MORN5: variants seen among roughly 807,000 people sequenced by gnomAD.
MORN5 encodes the protein MORN repeat containing 5.
In MORN5, 21 loss-of-function variants were observed where a neutral mutation model predicts 22.1. That is an observed-to-expected ratio of 0.95 (90% confidence interval 0.67 to 1.37). The LOEUF (loss-of-function observed/expected upper bound fraction) is 1.37, where lower values mean the gene tolerates loss of function less well. MORN5 is among the 40% of genes most tolerant of loss of function. The pLI is 0.00. For synonymous variants in MORN5, 73 were observed against 74.0 expected (o/e 0.99, Z 0.07); for missense variants, 211 against 215.1 (o/e 0.98, Z 0.12).
In MORN5 at chr9:122,199,247, G is replaced by A. The variant is rs146577566; in HGVS notation, c.440-638G>A. ...CCCTGTGGCTGTGGACAAGTGCCTC[G>A]GCCTCTGTGAGCCTCTGTTTGTTCA... On this transcript the variant is annotated intron_variant, in intron 4 of 4. Coordinates refer to ENST00000373764, the MANE Select transcript of MORN5 (RefSeq NM_198469.4). Among the ~76,000 whole-genome samples, 479 of 152,268 alleles carry A rather than the reference G, an allele frequency of 3.1e-3. 1 individual carries two copies. The highest frequency in any genetic ancestry group is 0.011 in the African/African-American group (452 of 41,566).
chr9:122,180,264 A>T (rs1829516599), intron 4 of MORN5, among the ~76,000 whole-genome samples: 1 of 149,108 alleles, frequency 6.7e-6, no homozygotes, highest in African/African-American at 2.5e-5. Context: ...TACATGCAAC[A>T]ATCTATGACA....
chr9:122,162,954 G>A (rs186462978), intron 1 of MORN5, among the ~76,000 whole-genome samples: 68 of 151,722 alleles, frequency 4.5e-4, no homozygotes, highest in African/African-American at 1.6e-3. Flanking sequence ...CTTTAAACAC[G>A]TGGCCTATTG....
intron 4 of MORN5, among the ~76,000 whole-genome samples, chr9:122,180,282 C>CTTTTTTT (rs938997436): frequency 1.0e-4 from 11 of 107,512 alleles, no homozygotes; most frequent in African/African-American, 2.2e-4. Flanking sequence ...ACATTTTCTT[C>CTTTTTTT]TTTTTTTTTT....
intron 4 of MORN5, chr9:122,175,593 C>T (rs1463023838): frequency 1.1e-5 from 11 of 979,814 alleles, no homozygotes; most frequent in Admixed American, 6.4e-5. Flanking sequence ...CACACACACA[C>T]GTGCACCCAC....
chr9:122,194,792 G>T (rs951609249), intron 4 of MORN5, among the ~76,000 whole-genome samples: 1 of 152,116 alleles, frequency 6.6e-6, no homozygotes, highest in Non-Finnish European at 1.5e-5. Flanking sequence ...GGCCGAGGTG[G>T]GCGGATCACC....
Position 122,174,541 on chromosome 9 carries a change from A to C in MORN5, c.353A>C (p.Lys118Thr), listed in dbSNP as rs767229869. The C allele has an allele frequency of 6.2e-7, 1 of 1,614,082 alleles. No homozygotes were observed. The highest frequency in any genetic ancestry group is 8.5e-7 in the Non-Finnish European group (1 of 1,179,998). Reference sequence around the variant, plus strand: ...ATGGACCCACCTAGAAAAATCCCCAAGGGCTATTACGATTGTGGAGACGGC... The same window carrying C: ...ATGGACCCACCTAGAAAAATCCCCACGGGCTATTACGATTGTGGAGACGGC... Reference protein sequence around the residue: ...TNMDPPRKIPKGYYDCGDGFY... With the variant: ...TNMDPPRKIPTGYYDCGDGFY... The change falls in exon 4 of 5, where the codon AAG (lysine) becomes ACG (threonine). Residue 118 changes from lysine (K) to threonine (T), a missense_variant. Transcript: ENST00000373764.
At chr9:122,181,951 A>G (rs1436858861) in intron 4 of MORN5, among the ~76,000 whole-genome samples, 1 of 152,164 alleles carries the variant, frequency 6.6e-6, no homozygotes, top group Non-Finnish European at 1.5e-5. Context: ...AGTGAGTTAG[A>G]GCCTGGGATT....
chr9:122,160,582 C>A lies in MORN5; in HGVS notation c.47+563C>A, dbSNP rs189699965. Among the ~76,000 whole-genome samples the A allele has an allele frequency of 2.9e-3, 438 of 150,060 alleles. 1 individual carries two copies. Among genetic ancestry groups the A allele is most frequent in the Non-Finnish European group, 4.2e-3 (286 of 67,606 alleles). On this transcript the variant is annotated intron_variant, in intron 1 of 4. Transcript: ENST00000373764. ...CCTTCCTTTTTTCCTTCCTTCCTTCCTTCCTACCTTCCTCTCTTTCTTTCT... is the reference window on the plus strand; with the variant it reads ...CCTTCCTTTTTTCCTTCCTTCCTTCATTCCTACCTTCCTCTCTTTCTTTCT...
intron 1 of MORN5, among the ~76,000 whole-genome samples, chr9:122,164,213 G>A (rs529194948): frequency 2.0e-4 from 2 of 10,038 alleles, no homozygotes; most frequent in Admixed American, 1.2e-3. Flanking sequence ...GAGAAAGGAA[G>A]GGAAAGAGAG....
intron 1 of MORN5, chr9:122,164,637 T>C: frequency 1.0e-6 from 1 of 985,460 alleles, no homozygotes; most frequent in Non-Finnish European, 1.2e-6. Flanking sequence ...AACAGTGATG[T>C]CCAGTTCAAG....
chr9:122,181,849 A>G (rs983997174), intron 4 of MORN5, among the ~76,000 whole-genome samples: 34 of 152,248 alleles, frequency 2.2e-4, no homozygotes, highest in Non-Finnish European at 2.9e-4. Flanking sequence ...CAAAATACAT[A>G]GGACAGCACC....
At chr9:122,188,051 G>C (rs1408907082) in intron 4 of MORN5, among the ~76,000 whole-genome samples, 1 of 152,188 alleles carries the variant, frequency 6.6e-6, no homozygotes, top group Non-Finnish European at 1.5e-5. Flanking sequence ...AGGTGTCAAG[G>C]AGGCCTCAGA....
At chr9:122,190,380 A>T (rs943449864) in intron 4 of MORN5, among the ~76,000 whole-genome samples, 1 of 152,222 alleles carries the variant, frequency 6.6e-6, no homozygotes, top group Non-Finnish European at 1.5e-5. Flanking sequence ...ATTGGCCATG[A>T]TTTCCTGAGA....
intron 3 of MORN5, among the ~76,000 whole-genome samples, chr9:122,171,421 C>G (rs1407308948): frequency 6.6e-6 from 1 of 152,110 alleles, no homozygotes; most frequent in Non-Finnish European, 1.5e-5. Context: ...CTCAACATCC[C>G]CCCACCCCCA....
At chr9:122,162,226 A>G (rs1032282182) in intron 1 of MORN5, among the ~76,000 whole-genome samples, 2 of 152,250 alleles carry the variant, frequency 1.3e-5, no homozygotes, top group African/African-American at 4.8e-5. Flanking sequence ...TGTAATGATC[A>G]TATATGGATG....
chr9:122,177,080 C>A (rs1001248858), intron 4 of MORN5, among the ~76,000 whole-genome samples: 48 of 152,210 alleles, frequency 3.2e-4, no homozygotes, highest in African/African-American at 1.1e-3. Flanking sequence ...GGACCTGCAA[C>A]CCAGATCCCT....
At chr9:122,170,388 G>A (rs888319019) in intron 3 of MORN5, among the ~76,000 whole-genome samples, 1 of 152,036 alleles carries the variant, frequency 6.6e-6, no homozygotes, top group Non-Finnish European at 1.5e-5. Flanking sequence ...CAGGTGTTTA[G>A]AACAGTGCCT....
At chr9:122,165,079 C>T (rs113465082) in intron 1 of MORN5, among the ~76,000 whole-genome samples, 29 of 152,220 alleles carry the variant, frequency 1.9e-4, no homozygotes, top group African/African-American at 6.3e-4. Flanking sequence ...TTACACATCC[C>T]GACAGAGGTA....
intron 4 of MORN5, among the ~76,000 whole-genome samples, chr9:122,175,212 G>A (rs1829431419): frequency 6.6e-6 from 1 of 152,192 alleles, no homozygotes; most frequent in African/African-American, 2.4e-5. Flanking sequence ...TCTAAGCTGA[G>A]ACCTGAAGAA....
Sources: allele counts gnomAD v4.1 joint callset (sites outside exome capture counted in the v4.1 genomes callset), GRCh38; gene constraint gnomAD v4.1.1; transcripts MANE v1.5; gene names NCBI Gene and HGNC (gene_info 2026-07-23, HGNC 2026-07-21).